VPS41: variants seen among roughly 807,000 people sequenced by gnomAD.
VPS41 encodes the protein VPS41 subunit of HOPS complex, also known as vacuolar protein sorting-associated protein 41 homolog.
In VPS41, 85 loss-of-function variants were observed where a neutral mutation model predicts 130.9. That is an observed-to-expected ratio of 0.65 (90% CI 0.55 to 0.78). VPS41 has a LOEUF of 0.78. Ranked by LOEUF, VPS41 falls within the 30% of genes least tolerant of loss-of-function variation. The pLI, the probability that VPS41 is intolerant of heterozygous loss-of-function variation, is 0.00. For missense variants in VPS41, 874 were observed against 1,018.7 expected (o/e 0.86, Z 1.93); for synonymous variants, 335 against 332.9 (o/e 1.01, Z -0.07).
At position 38,816,186 on chromosome 7, in the gene VPS41, A is replaced by G. The variant is rs571442601; in HGVS notation, c.450+1631T>C. On this transcript the variant is annotated intron_variant, in intron 7 of 28. Coordinates refer to ENST00000310301, the MANE Select transcript of VPS41 (RefSeq NM_014396.4). ...GAGATTAGGTCTGTAATTCCCACTA[A>G]TTAGTCCCCTGGACATTTTAACATA... is the stretch of plus-strand genomic sequence containing the variant. Among the ~76,000 whole-genome samples, 3 of 152,312 alleles carry G rather than the reference A, an allele frequency of 2.0e-5. No homozygotes were observed. The South Asian group carries it at 6.2e-4, about 32-fold the overall frequency.
intron 4 of VPS41, among the ~76,000 whole-genome samples, chr7:38,839,188 C>T (rs1785557280): frequency 6.6e-6 from 1 of 152,216 alleles, no homozygotes. Context: ...CACTTACACT[C>T]CATGTGTGAA....
intron 2 of VPS41, 37 bp from the exon 3 acceptor site, chr7:38,869,290 G>T: frequency 6.8e-7 from 1 of 1,477,206 alleles, no homozygotes; most frequent in South Asian, 1.2e-5. Flanking sequence ...ACCCGTCAGA[G>T]ATTTATTTGT....
chr7:38,728,511 T>C (rs1795592873), intron 27 of VPS41, 31 bp downstream of exon 27: 7 of 1,613,708 alleles, frequency 4.3e-6, no homozygotes, highest in Non-Finnish European at 5.9e-6. Context: ...AAAATACATG[T>C]TTGGGATTTT....
chr7:38,765,028 TGAA>T (rs1190119706), intron 16 of VPS41, among the ~76,000 whole-genome samples: 1 of 152,180 alleles, frequency 6.6e-6, no homozygotes, highest in African/African-American at 2.4e-5. Flanking sequence ...ATTTATAACT[TGAA>T]GAGAGCATTC....
intron 17 of VPS41, among the ~76,000 whole-genome samples, chr7:38,759,349 T>C (rs1350639473): frequency 6.6e-6 from 1 of 152,188 alleles, no homozygotes; most frequent in African/African-American, 2.4e-5. Context: ...CACAGAAGTG[T>C]TGTGTTGTGA....
intron 6 of VPS41, among the ~76,000 whole-genome samples, chr7:38,820,079 G>A (rs1473058253): frequency 2.6e-5 from 4 of 152,026 alleles, no homozygotes; most frequent in African/African-American, 9.7e-5. Flanking sequence ...TCCCCAAAGC[G>A]AGAACCTGAA....
intron 14 of VPS41, among the ~76,000 whole-genome samples, chr7:38,768,161 A>T (rs1784084623): frequency 1.3e-5 from 2 of 152,234 alleles, no homozygotes; most frequent in Admixed American, 1.3e-4. Context: ...GACTGGCTTC[A>T]GAGTATTCAT....
At chr7:38,774,360 C>T in intron 11 of VPS41, 116 bp from the exon 12 acceptor site, 2 of 914,106 alleles carry the variant, frequency 2.2e-6, no homozygotes, top group Non-Finnish European at 3.0e-6. Flanking sequence ...AAGAAATACC[C>T]AAGACTGGGT....
At chr7:38,871,103 TAAA>T (rs1786348522) in intron 2 of VPS41, among the ~76,000 whole-genome samples, 2 of 152,114 alleles carry the variant, frequency 1.3e-5, no homozygotes, top group Admixed American at 6.5e-5. Flanking sequence ...GAGCAACATT[TAAA>T]GAGATAACAA....
chr7:38,755,280 G>A (rs1783768588), intron 19 of VPS41, among the ~76,000 whole-genome samples: 2 of 152,274 alleles, frequency 1.3e-5, no homozygotes, highest in South Asian at 4.2e-4. Context: ...AGTAGTTATG[G>A]AGAGCATCTC....
intron 16 of VPS41, among the ~76,000 whole-genome samples, chr7:38,765,166 A>G (rs2115799707): frequency 6.6e-6 from 1 of 152,368 alleles, no homozygotes; most frequent in South Asian, 2.1e-4. Context: ...AAAATTATTC[A>G]TTAGAGCTAG....
rs372832568 is a variant in VPS41 at position 38,842,313 on chromosome 7, C to T, written c.247-11985G>A. Among the ~76,000 whole-genome samples the T allele has an allele frequency of 2.0e-5, 3 of 152,288 alleles. 1 individual carries two copies. The highest frequency in any genetic ancestry group is 1.9e-4 in the East Asian group (1 of 5,180). The stretch of plus-strand genomic sequence containing the variant: ...CCAAACAAGCCCCACAAGCACATCC[C>T]CCGACACACGCTCGTCTTCTCCAAC... On this transcript the variant is annotated intron_variant, in intron 4 of 28. Coordinates refer to ENST00000310301, the MANE Select transcript of VPS41 (RefSeq NM_014396.4).
chr7:38,762,522 T>C (rs560798266), intron 17 of VPS41, among the ~76,000 whole-genome samples: 1 of 152,318 alleles, frequency 6.6e-6, no homozygotes, highest in African/African-American at 2.4e-5. Flanking sequence ...TTACCTCCAA[T>C]ATTACTTCAT....
chr7:38,861,335 A>C (rs893126287), intron 4 of VPS41, among the ~76,000 whole-genome samples: 1 of 152,168 alleles, frequency 6.6e-6, no homozygotes, highest in African/African-American at 2.4e-5. Context: ...GGCACGCACA[A>C]CACCACAAAA....
chr7:38,904,428 T>G (rs1188345794), intron 1 of VPS41, among the ~76,000 whole-genome samples: 1 of 151,938 alleles, frequency 6.6e-6, no homozygotes, highest in East Asian at 1.9e-4. Flanking sequence ...TCTATACTTT[T>G]AAAACTTCTT....
intron 4 of VPS41, among the ~76,000 whole-genome samples, chr7:38,847,950 G>A (rs895158249): frequency 1.3e-5 from 2 of 152,078 alleles, no homozygotes; most frequent in Non-Finnish European, 2.9e-5. Context: ...AAATAACTGA[G>A]ACCAAGTTAT....
At chr7:38,768,864 C>T (rs925418934) in intron 14 of VPS41, among the ~76,000 whole-genome samples, 2 of 152,240 alleles carry the variant, frequency 1.3e-5, no homozygotes, top group East Asian at 3.9e-4. Flanking sequence ...TCAGCATAAG[C>T]ATGTTTAAGT....
At chr7:38,793,871 T>A (rs553906607) in intron 9 of VPS41, among the ~76,000 whole-genome samples, 1 of 152,282 alleles carries the variant, frequency 6.6e-6, no homozygotes, top group South Asian at 2.1e-4. Context: ...AAGATAAACG[T>A]GATTGCATTT....
intron 4 of VPS41, among the ~76,000 whole-genome samples, chr7:38,837,724 G>A (rs144958574): frequency 5.6e-4 from 85 of 152,238 alleles, no homozygotes; most frequent in Admixed American, 1.7e-3. Context: ...CAGGTTAGCC[G>A]AATATTACTA....
Sources: gnomAD v4.1 joint callset for allele counts (sites outside exome capture counted in the v4.1 genomes callset) on GRCh38, gnomAD v4.1.1 for gene constraint, MANE v1.5 for transcripts, NCBI Gene and HGNC (gene_info 2026-07-23, HGNC 2026-07-21) for gene names.